Variants in CYTH3 observed in about 807,000 individuals in gnomAD.
CYTH3 encodes cytohesin 3, also known as cytohesin-3.
CYTH3 carries 23 observed loss-of-function variants against 55.1 expected under a neutral mutation model. The observed-to-expected ratio is 0.42, with a 90% CI of 0.30 to 0.59. The LOEUF (loss-of-function observed/expected upper bound fraction) is 0.59. CYTH3 is among the 20% of genes least tolerant of loss of function. The pLI is 0.20. For missense variants in CYTH3, 413 were observed against 524.8 expected, an observed-to-expected ratio of 0.79 and a Z score of 2.08; for synonymous variants, 249 against 194.9, an observed-to-expected ratio of 1.28 and a Z score of -2.31.
At chr7:6,259,239 T>C (rs1780214886) in intron 1 of CYTH3, among the ~76,000 whole-genome samples, 1 of 152,246 alleles carries the variant, frequency 6.6e-6, no homozygotes, top group Non-Finnish European at 1.5e-5. Context: ...TACTTTCTGA[T>C]CATCATCCAA....
chr7:6,181,990 C>G (rs1354224413), intron 4 of CYTH3, among the ~76,000 whole-genome samples: 1 of 152,120 alleles, frequency 6.6e-6, no homozygotes, highest in African/African-American at 2.4e-5. Flanking sequence ...ATAATATACA[C>G]AAATATCCTA....
intron 1 of CYTH3, among the ~76,000 whole-genome samples, chr7:6,260,074 C>T (rs1286935891): frequency 6.6e-6 from 1 of 150,676 alleles, no homozygotes; most frequent in East Asian, 2.0e-4. Context: ...GGTGATCCAC[C>T]CTCCTCGGCC....
chr7:6,178,263 G>C (rs941245929), intron 4 of CYTH3, among the ~76,000 whole-genome samples: 1 of 152,268 alleles, frequency 6.6e-6, no homozygotes, highest in African/African-American at 2.4e-5. Context: ...AGCTTAGAAA[G>C]ATAGTTTATT....
chr7:6,209,350 T>C (rs1268842695), intron 1 of CYTH3, among the ~76,000 whole-genome samples: 1 of 152,246 alleles, frequency 6.6e-6, no homozygotes, highest in Non-Finnish European at 1.5e-5. Context: ...GATGAATATG[T>C]TGACCTCAGT....
intron 1 of CYTH3, among the ~76,000 whole-genome samples, chr7:6,248,238 C>A (rs1470382407): frequency 6.7e-6 from 1 of 150,076 alleles, no homozygotes; most frequent in Non-Finnish European, 1.5e-5. Flanking sequence ...CCCCCAACCC[C>A]CCCCCAGCCA....
chr7:6,249,782 CTTGA>C (rs1286035757), intron 1 of CYTH3, among the ~76,000 whole-genome samples: 2 of 152,116 alleles, frequency 1.3e-5, no homozygotes, highest in African/African-American at 4.8e-5. Context: ...ATCTCGATGT[CTTGA>C]TTAAGGAGAC....
chr7:6,163,486 C>G lies in CYTH3; in HGVS notation c.*1458G>C, dbSNP rs1782899414. On this transcript the variant is annotated 3_prime_UTR_variant, in exon 13 of 13. Coordinates refer to ENST00000350796, the MANE Select transcript of CYTH3 (RefSeq NM_004227.4). Reference sequence around the variant, plus strand: ...CAAATCTCCCGACAGAGAACAGCGTCTGCCACCGGCCCGGGTCGGCCCAAG... The same window carrying G: ...CAAATCTCCCGACAGAGAACAGCGTGTGCCACCGGCCCGGGTCGGCCCAAG... 1 of 152,522 alleles carries G rather than the reference C, an allele frequency of 6.6e-6. No individual in the cohort carries two copies. 9.4% of individuals were successfully genotyped at this position (152,522 alleles called of 1,614,324 possible). A position where few individuals can be genotyped will look rare whatever the true frequency, so the allele number is the denominator to read the frequency against.
intron 1 of CYTH3, among the ~76,000 whole-genome samples, chr7:6,243,712 T>G (rs1779733425): frequency 6.6e-6 from 1 of 152,226 alleles, no homozygotes; most frequent in East Asian, 1.9e-4. Context: ...TCCGGCCCTA[T>G]ATCAACTTAC....
chr7:6,272,568 G>T lies in CYTH3; in HGVS notation c.-61C>A, dbSNP rs1300954323. 1 of 1,198,224 alleles carries T rather than the reference G, an allele frequency of 8.3e-7. No homozygotes were observed. The highest frequency in any genetic ancestry group is 1.0e-6 in the Non-Finnish European group (1 of 959,326). 74.2% of individuals were successfully genotyped at this position (1,198,224 alleles called of 1,614,324 possible). On this transcript the variant is annotated 5_prime_UTR_variant, in exon 1 of 13. Coordinates refer to ENST00000350796, the MANE Select transcript of CYTH3 (RefSeq NM_004227.4). ...CGGCAGCAGAGGGGCCGCGGGCTGG[G>T]GACGCCGCCGGAGGGAGCGCGCAGG...
At chr7:6,224,756 C>T (rs1262364634) in intron 1 of CYTH3, among the ~76,000 whole-genome samples, 4 of 152,106 alleles carry the variant, frequency 2.6e-5, no homozygotes, top group Non-Finnish European at 5.9e-5. Context: ...TATGTGTACA[C>T]GAATGTTCAT....
chr7:6,184,276 G>C (rs979026360), intron 4 of CYTH3, among the ~76,000 whole-genome samples: 2 of 151,550 alleles, frequency 1.3e-5, no homozygotes, highest in African/African-American at 2.4e-5. Flanking sequence ...TAGCCAGGAT[G>C]GTCTCAATCT....
At chr7:6,230,278 A>T (rs1779358351) in intron 1 of CYTH3, among the ~76,000 whole-genome samples, 1 of 152,200 alleles carries the variant, frequency 6.6e-6, no homozygotes, top group African/African-American at 2.4e-5. Context: ...GATTATATTA[A>T]CCACTATTAA....
chr7:6,231,769 G>T (rs1279464318), intron 1 of CYTH3, among the ~76,000 whole-genome samples: 1 of 152,116 alleles, frequency 6.6e-6, no homozygotes, highest in African/African-American at 2.4e-5. Flanking sequence ...CCCAAGTGGG[G>T]ATCCCATTTA....
At chr7:6,259,790 T>TAC (rs1242378868) in intron 1 of CYTH3, among the ~76,000 whole-genome samples, 3 of 14,994 alleles carry the variant, frequency 2.0e-4, no homozygotes, top group Non-Finnish European at 2.6e-4. Context: ...ATATAATATA[T>TAC]ATATATATAT....
intron 5 of CYTH3, among the ~76,000 whole-genome samples, chr7:6,177,261 G>A (rs928088817): frequency 5.9e-5 from 9 of 152,076 alleles, no homozygotes; most frequent in African/African-American, 1.9e-4. Context: ...CCAACTTTAG[G>A]AACTACTGGG....
Position 6,191,435 on chromosome 7 carries a change from T to C in CYTH3, c.35-904A>G, listed in dbSNP as rs151061821. Among the ~76,000 whole-genome samples, 678 of 152,238 alleles carry C rather than the reference T, an allele frequency of 4.5e-3. 9 individuals carry two copies. The highest frequency in any genetic ancestry group is 0.026 in the East Asian group (137 of 5,190). ...AAATATGTGTGAAAACAGTTATTTA[T>C]ATGGAAAAAATAAAAGCAGATTGTA... is the stretch of plus-strand genomic sequence containing the variant. On this transcript the variant is annotated intron_variant, in intron 1 of 12. Transcript: ENST00000350796.
chr7:6,190,369 T>TTTTG, intron 2 of CYTH3, 80 bp downstream of exon 2: 1 of 1,025,544 alleles, frequency 9.8e-7, no homozygotes, highest in Non-Finnish European at 1.3e-6. Flanking sequence ...TTTACATTTT[T>TTTTG]GTGAGGCTAC....
chr7:6,269,485 C>T (rs1780594771), intron 1 of CYTH3, among the ~76,000 whole-genome samples: 1 of 152,106 alleles, frequency 6.6e-6, no homozygotes, highest in South Asian at 2.1e-4. Context: ...AGTTAATTCA[C>T]CTCATCTGCC....
At position 6,162,085 on chromosome 7, in the gene CYTH3, G is replaced by GTTTGTAACTTTAAAAATAGGCATTGCT. The variant is rs1782842710; in HGVS notation, c.*2832_*2858dup. The GTTTGTAACTTTAAAAATAGGCATTGCT allele has an allele frequency of 6.6e-6, 1 of 152,620 alleles. No individual in the cohort carries two copies. Among genetic ancestry groups the GTTTGTAACTTTAAAAATAGGCATTGCT allele is most frequent in the South Asian group, 2.1e-4 (1 of 4,832 alleles). 9.5% of individuals were successfully genotyped at this position (152,620 alleles called of 1,614,324 possible). A position where few individuals can be genotyped will look rare whatever the true frequency, so the allele number is the denominator to read the frequency against. On this transcript the variant is annotated 3_prime_UTR_variant, in exon 13 of 13. Coordinates refer to ENST00000350796, the MANE Select transcript of CYTH3 (RefSeq NM_004227.4). ...AAAGCATATCTATGTAGATATCTGCGTTTGTAACTTTAAAAATAGGCATTG... is the reference window on the plus strand; with the variant it reads ...AAAGCATATCTATGTAGATATCTGCGTTTGTAACTTTAAAAATAGGCATTGCTTTTGTAACTTTAAAAATAGGCATTG...
Sources: gnomAD v4.1 joint callset for allele counts (sites outside exome capture counted in the v4.1 genomes callset) on GRCh38, gnomAD v4.1.1 for gene constraint, MANE v1.5 for transcripts, NCBI Gene and HGNC (gene_info 2026-07-23, HGNC 2026-07-21) for gene names.